The following CCDC3 variants were observed in gnomAD, a reference collection of about 807,000 sequenced individuals.
The protein encoded by CCDC3 is coiled-coil domain-containing protein 3.
In CCDC3, 24 loss-of-function variants were observed where a neutral mutation model predicts 21.4. That is an observed-to-expected ratio of 1.12 (90% CI 0.81 to 1.58). CCDC3 has a LOEUF of 1.58. Among genes scored for constraint, CCDC3 ranks in the 40% most tolerant of loss-of-function variants. The probability of loss-of-function intolerance (pLI) is 0.00; values close to 1 mark genes in which losing one functional copy is unlikely to be tolerated. For synonymous variants in CCDC3, 186 were observed against 166.0 expected, an observed-to-expected ratio of 1.12 and a Z score of -0.93; for missense variants, 425 against 360.9, an observed-to-expected ratio of 1.18 and a Z score of -1.44.
intron 4 of CCDC3, among the ~76,000 whole-genome samples, chr10:13,056,390 T>C (rs978661275): frequency 6.6e-6 from 1 of 152,162 alleles, no homozygotes; most frequent in Non-Finnish European, 1.5e-5. Context: ...CTGAGAAATG[T>C]AGTCCAGCTG....
At chr10:12,931,546 A>G (rs2131227785) in intron 2 of CCDC3, among the ~76,000 whole-genome samples, 1 of 152,342 alleles carries the variant, frequency 6.6e-6, no homozygotes, top group East Asian at 1.9e-4. Flanking sequence ...CCTCTGTTGT[A>G]GAAGCATTTG....
intron 2 of CCDC3, among the ~76,000 whole-genome samples, chr10:12,967,333 A>G (rs1233062554): frequency 2.6e-5 from 4 of 152,234 alleles, no homozygotes; most frequent in African/African-American, 9.6e-5. Flanking sequence ...CCAGTAACTA[A>G]CCACAAAGAA....
chr10:13,075,302 T>A (rs894754366), intron 3 of CCDC3, among the ~76,000 whole-genome samples: 37 of 152,244 alleles, frequency 2.4e-4, no homozygotes, highest in African/African-American at 8.7e-4. Flanking sequence ...GCATCCTGCA[T>A]AGTGACTGGC....
intron 2 of CCDC3, among the ~76,000 whole-genome samples, chr10:12,919,958 C>A (rs116286959): frequency 1.2e-3 from 190 of 152,152 alleles, no homozygotes; most frequent in African/African-American, 4.3e-3. Context: ...GCTCCCCAGC[C>A]ACCAGTCACA....
At chr10:13,018,139 G>T (rs1357200829) in intron 5 of CCDC3, among the ~76,000 whole-genome samples, 1 of 152,020 alleles carries the variant, frequency 6.6e-6, no homozygotes, top group Non-Finnish European at 1.5e-5. Flanking sequence ...GGCTGGGAGA[G>T]GGAATATGTG....
At chr10:12,909,660 T>A (rs1052487384) in intron 2 of CCDC3, among the ~76,000 whole-genome samples, 2 of 152,120 alleles carry the variant, frequency 1.3e-5, no homozygotes, top group South Asian at 4.1e-4. Flanking sequence ...GGCAAAGCAA[T>A]GAGGCTGTGG....
chr10:12,987,339 G>A (rs534477760), intron 2 of CCDC3, among the ~76,000 whole-genome samples: 83 of 152,206 alleles, frequency 5.5e-4, no homozygotes, highest in Non-Finnish European at 8.2e-4. Context: ...TATGTGGATG[G>A]AATAAACGCC....
In CCDC3 at chr10:13,096,854, G is replaced by A. The variant is rs117495397; in HGVS notation, c.-503+1671C>T. Among the ~76,000 whole-genome samples the A allele has an allele frequency of 4.9e-4, 75 of 152,228 alleles. 1 individual carries two copies. The East Asian group carries it at 8.9e-3, about 18-fold the overall frequency. On this transcript the variant is annotated intron_variant, in intron 3 of 6. Transcript: ENST00000378839. ...CCACTCCTCCTCCCAATCTGGGGGCGGGGGAGTCACTCCTCCCTCCAACTG... is the reference window on the plus strand; with the variant it reads ...CCACTCCTCCTCCCAATCTGGGGGCAGGGGAGTCACTCCTCCCTCCAACTG...
At chr10:13,069,865 A>G (rs1488491237) in intron 4 of CCDC3, among the ~76,000 whole-genome samples, 4 of 152,170 alleles carry the variant, frequency 2.6e-5, no homozygotes, top group Admixed American at 2.6e-4. Context: ...GACTATAACT[A>G]CCCTGGACAT....
intron 2 of CCDC3, among the ~76,000 whole-genome samples, chr10:12,911,877 T>A (rs1589001032): frequency 6.6e-6 from 1 of 152,310 alleles, no homozygotes; most frequent in East Asian, 1.9e-4. Context: ...TTTTTTAGAT[T>A]CTACATTTAA....
At chr10:13,080,380 T>A (rs1837023062) in intron 3 of CCDC3, among the ~76,000 whole-genome samples, 2 of 152,170 alleles carry the variant, frequency 1.3e-5, no homozygotes, top group Admixed American at 6.5e-5. Flanking sequence ...ATAAAAAATG[T>A]TACAAAAGAG....
intron 2 of CCDC3, among the ~76,000 whole-genome samples, chr10:12,938,942 T>C (rs1328295717): frequency 1.3e-5 from 2 of 152,194 alleles, no homozygotes; most frequent in African/African-American, 4.8e-5. Flanking sequence ...TTCTTGTCTT[T>C]TAAATAAACA....
At chr10:13,053,336 A>G (rs1836636876) in intron 4 of CCDC3, among the ~76,000 whole-genome samples, 2 of 152,084 alleles carry the variant, frequency 1.3e-5, no homozygotes, top group South Asian at 4.1e-4. Flanking sequence ...TGGAAGGCTG[A>G]GGTGGGAAGA....
chr10:12,990,023 C>T (rs575431769), intron 2 of CCDC3, among the ~76,000 whole-genome samples: 4 of 151,854 alleles, frequency 2.6e-5, no homozygotes, highest in Admixed American at 1.3e-4. Flanking sequence ...GAGGCCGAGG[C>T]GGGCAGATCA....
intron 2 of CCDC3, among the ~76,000 whole-genome samples, chr10:12,977,045 G>A (rs531335172): frequency 6.6e-6 from 1 of 152,242 alleles, no homozygotes; most frequent in South Asian, 2.1e-4. Context: ...AGGCCAAGGT[G>A]GGCAGATCAC....
At chr10:12,952,643 C>T (rs1452060012) in intron 2 of CCDC3, among the ~76,000 whole-genome samples, 1 of 152,170 alleles carries the variant, frequency 6.6e-6, no homozygotes, top group Admixed American at 6.5e-5. Flanking sequence ...AATCCGAATT[C>T]TCCAGGTGCA....
intron 2 of CCDC3, among the ~76,000 whole-genome samples, chr10:12,926,326 C>G (rs1461550674): frequency 2.6e-5 from 4 of 152,150 alleles, no homozygotes; most frequent in South Asian, 4.1e-4. Flanking sequence ...CTCATATAGG[C>G]CAAGAACTGG....
chr10:12,936,761 C>G, intron 2 of CCDC3, among the ~76,000 whole-genome samples: 1 of 152,092 alleles, frequency 6.6e-6, no homozygotes, highest in South Asian at 2.1e-4. Context: ...ATTTTAGAAA[C>G]TATTAGCCAG....
At chr10:12,915,686 G>C in intron 2 of CCDC3, among the ~76,000 whole-genome samples, 1 of 152,186 alleles carries the variant, frequency 6.6e-6, no homozygotes, top group African/African-American at 2.4e-5. Flanking sequence ...GGGTGGGTTT[G>C]CTACTGGAGC....
Sources: gnomAD v4.1 joint callset for allele counts (sites outside exome capture counted in the v4.1 genomes callset) on GRCh38, gnomAD v4.1.1 for gene constraint, MANE v1.5 for transcripts, NCBI Gene and HGNC (gene_info 2026-07-23, HGNC 2026-07-21) for gene names.